The following BLOC1S5 variants were observed in gnomAD, a reference collection of about 807,000 sequenced individuals.
The protein encoded by BLOC1S5 is biogenesis of lysosome-related organelles complex 1 subunit 5.
Under a neutral mutation model 24.3 loss-of-function variants are expected in BLOC1S5, and 27 were observed. That is an observed-to-expected ratio of 1.11 (90% CI 0.82 to 1.53). The LOEUF (loss-of-function observed/expected upper bound fraction) is 1.53, where lower values mean the gene tolerates loss of function less well. Among genes scored for constraint, BLOC1S5 ranks in the 40% most tolerant of loss-of-function variants. BLOC1S5 has a pLI of 0.00. For synonymous variants in BLOC1S5, 84 were observed against 74.5 expected (o/e 1.13, Z -0.66); for missense variants, 239 against 229.4 (o/e 1.04, Z -0.27).
At chr6:8,034,215 A>G (rs878942244) in intron 3 of BLOC1S5, among the ~76,000 whole-genome samples, 1 of 152,206 alleles carries the variant, frequency 6.6e-6, no homozygotes, top group African/African-American at 2.4e-5. Flanking sequence ...AATAGCAAAG[A>G]CTTGGAACCA....
intron 4 of BLOC1S5, 42 bp from the exon 5 acceptor site, chr6:8,015,870 C>T (rs1448726573): frequency 2.6e-6 from 4 of 1,533,402 alleles, no homozygotes; most frequent in Non-Finnish European, 3.5e-6. Context: ...ATTTTCCAGA[C>T]AATTATTTCA....
intron 1 of BLOC1S5, among the ~76,000 whole-genome samples, chr6:8,063,164 A>G (rs1337770713): frequency 1.3e-5 from 2 of 152,194 alleles, no homozygotes; most frequent in African/African-American, 4.8e-5. Flanking sequence ...CAACAAAACT[A>G]TAAAGAAATG....
chr6:8,031,332 T>A (rs1275840618), intron 3 of BLOC1S5, among the ~76,000 whole-genome samples: 1 of 152,032 alleles, frequency 6.6e-6, no homozygotes, highest in Admixed American at 6.6e-5. Context: ...TATACACCAA[T>A]AGAAACCAAG....
chr6:8,018,241 G>A (rs1338360146), intron 4 of BLOC1S5, among the ~76,000 whole-genome samples: 1 of 152,182 alleles, frequency 6.6e-6, no homozygotes, highest in Non-Finnish European at 1.5e-5. Flanking sequence ...TGCATGAAGA[G>A]TTTATTAAAT....
In BLOC1S5 at chr6:8,062,510, T is replaced by C. The variant is rs1038593257; in HGVS notation, c.195+24A>G. 5 of 1,435,682 alleles carry C rather than the reference T, an allele frequency of 3.5e-6. No individual in the cohort carries two copies. The African/African-American group carries it at 4.3e-5, about 12-fold the overall frequency. 88.9% of individuals were successfully genotyped at this position (1,435,682 alleles called of 1,614,324 possible). The stretch of plus-strand genomic sequence containing the variant: ...ACACTAACAATTAGGGAAGTACTTT[T>C]ATAAAATAAGTTTAAATACTCACTT... On this transcript the variant is annotated intron_variant, in intron 2 of 4. Transcript: ENST00000397457.
chr6:8,047,156 TCTCTCACACACA>T (rs1445033959), intron 2 of BLOC1S5, among the ~76,000 whole-genome samples: 5 of 59,534 alleles, frequency 8.4e-5, no homozygotes, highest in Non-Finnish European at 1.6e-4. Context: ...TCTCTCTCTC[TCTCTCACACACA>T]CACACACACA....
chr6:8,056,554 A>G (rs1764315686), intron 2 of BLOC1S5, among the ~76,000 whole-genome samples: 1 of 152,248 alleles, frequency 6.6e-6, no homozygotes. Flanking sequence ...TCGAGAGAGT[A>G]GTGGAAACTA....
At chr6:8,020,754 G>T (rs1360380383) in intron 4 of BLOC1S5, among the ~76,000 whole-genome samples, 1 of 152,104 alleles carries the variant, frequency 6.6e-6, no homozygotes, top group African/African-American at 2.4e-5. Context: ...TGAATAAAAT[G>T]ACTTGGAAAC....
chr6:8,044,012 G>A (rs1054422981), intron 2 of BLOC1S5, among the ~76,000 whole-genome samples: 1 of 152,126 alleles, frequency 6.6e-6, no homozygotes, highest in African/African-American at 2.4e-5. Context: ...GGCCAGGCGC[G>A]ATGGCTCACG....
At chr6:8,030,020 G>C (rs1232161169) in intron 3 of BLOC1S5, among the ~76,000 whole-genome samples, 2 of 152,076 alleles carry the variant, frequency 1.3e-5, no homozygotes, top group Non-Finnish European at 2.9e-5. Context: ...ACAAAGCAAA[G>C]AACCAGTCAG....
At chr6:8,044,214 G>T (rs534232245) in intron 2 of BLOC1S5, among the ~76,000 whole-genome samples, 3 of 150,850 alleles carry the variant, frequency 2.0e-5, no homozygotes, top group East Asian at 3.9e-4. Flanking sequence ...AACCTGGGAG[G>T]TGGGGGTTAC....
intron 2 of BLOC1S5, among the ~76,000 whole-genome samples, chr6:8,046,098 C>G (rs1763886797): frequency 6.6e-6 from 1 of 152,116 alleles, no homozygotes; most frequent in Non-Finnish European, 1.5e-5. Flanking sequence ...TGGGAAGAAC[C>G]CAGGGGGAGG....
intron 1 of BLOC1S5, among the ~76,000 whole-genome samples, chr6:8,062,918 T>C (rs1222563346): frequency 6.6e-6 from 1 of 152,144 alleles, no homozygotes; most frequent in Admixed American, 6.6e-5. Flanking sequence ...TATTACAGCA[T>C]AGGTGTAATA....
intron 4 of BLOC1S5, among the ~76,000 whole-genome samples, chr6:8,025,996 C>T (rs891550846): frequency 3.9e-5 from 6 of 152,210 alleles, no homozygotes; most frequent in African/African-American, 1.4e-4. Context: ...GGCATGAATG[C>T]TTCCCTTTCT....
At chr6:8,035,485 G>A (rs116609443) in intron 3 of BLOC1S5, among the ~76,000 whole-genome samples, 5,941 of 152,134 alleles carry the variant, frequency 0.039, 367 homozygotes, top group African/African-American at 0.13. Context: ...TTCTGCAGCA[G>A]TTGGGTGAAA....
chr6:8,035,782 C>T (rs972837274), intron 3 of BLOC1S5, among the ~76,000 whole-genome samples: 3 of 152,146 alleles, frequency 2.0e-5, no homozygotes, highest in Non-Finnish European at 4.4e-5. Flanking sequence ...AATGCAATAG[C>T]CGCAGGAGAC....
At chr6:8,062,229 C>A (rs1440811956) in intron 2 of BLOC1S5, among the ~76,000 whole-genome samples, 2 of 152,088 alleles carry the variant, frequency 1.3e-5, no homozygotes, top group Admixed American at 1.3e-4. Flanking sequence ...CTGAAAAACT[C>A]AGACCCATCA....
At chr6:8,015,888 A>G (rs1373981062) in intron 4 of BLOC1S5, 60 bp from the exon 5 acceptor site, 1 of 1,441,780 alleles carries the variant, frequency 6.9e-7, no homozygotes. Context: ...TCATAACGTT[A>G]TCTCTTGATA....
chr6:8,035,202 G>A (rs1763445200), intron 3 of BLOC1S5, among the ~76,000 whole-genome samples: 1 of 152,016 alleles, frequency 6.6e-6, no homozygotes, highest in Non-Finnish European at 1.5e-5. Flanking sequence ...GGGAAGGATA[G>A]GAGGGAGGTA....
Sources: gnomAD v4.1 joint callset for allele counts (sites outside exome capture counted in the v4.1 genomes callset) on GRCh38, gnomAD v4.1.1 for gene constraint, MANE v1.5 for transcripts, NCBI Gene and HGNC (gene_info 2026-07-23, HGNC 2026-07-21) for gene names.